SLIT2: variants seen among roughly 807,000 people sequenced by gnomAD.
The protein encoded by SLIT2 is slit homolog 2 protein.
Under a neutral mutation model 185.7 loss-of-function variants are expected in SLIT2, and 41 were observed. The observed-to-expected ratio is 0.22, with a 90% CI of 0.17 to 0.29. SLIT2 has a LOEUF of 0.29. Ranked by LOEUF, SLIT2 falls within the 10% of genes least tolerant of loss-of-function variation. SLIT2 has a pLI of 1.00. For synonymous variants in SLIT2, 693 were observed against 680.2 expected (o/e 1.02, Z -0.29); for missense variants, 1,571 against 1,909.0 (o/e 0.82, Z 3.30).
At chr4:20,398,994 T>G (rs1726146153) in intron 4 of SLIT2, among the ~76,000 whole-genome samples, 1 of 151,632 alleles carries the variant, frequency 6.6e-6, no homozygotes, top group Non-Finnish European at 1.5e-5. Context: ...TACAGAACAT[T>G]CAATAAAGCG....
chr4:20,263,469 G>A (rs1241869948), intron 3 of SLIT2, among the ~76,000 whole-genome samples: 3 of 151,654 alleles, frequency 2.0e-5, no homozygotes, highest in African/African-American at 7.3e-5. Context: ...CACAGAGTGT[G>A]GATTATCTAG....
intron 4 of SLIT2, among the ~76,000 whole-genome samples, chr4:20,419,890 T>C (rs981035456): frequency 1.1e-4 from 16 of 152,122 alleles, no homozygotes; most frequent in African/African-American, 3.9e-4. Context: ...GAGATTTCCT[T>C]GCGCCTATGT....
intron 19 of SLIT2, among the ~76,000 whole-genome samples, chr4:20,540,972 G>A (rs539266052): frequency 4.3e-4 from 66 of 152,232 alleles, no homozygotes; most frequent in African/African-American, 1.5e-3. Context: ...CTATTCTCTA[G>A]AGCAAATAAG....
In SLIT2 at chr4:20,381,212, A is replaced by C. The variant is rs552980193; in HGVS notation, c.396-86540A>C. 5.7e-4 allele frequency among the ~76,000 whole-genome samples: 87 copies of C among 152,234 alleles called. No homozygotes were observed. In the South Asian group the frequency reaches 0.015, roughly 25 times the overall value. On this transcript the variant is annotated intron_variant, in intron 4 of 36. Transcript: ENST00000504154. ...AGGTTGCAGTGAGCTGAGGTTGCGC[A>C]ACTGGGCTCCAGCTTGGGTGACAGG...
rs1204488851 is a variant in SLIT2 at position 20,550,864 on chromosome 4, G to A, written c.2527G>A (p.Gly843Ser). The A allele has an allele frequency of 6.2e-7, 1 of 1,609,004 alleles. No homozygotes were observed. The highest frequency in any genetic ancestry group is 1.1e-5 in the South Asian group (1 of 90,878). ...HGNDISVVPE[G>S]AFNDLSALSH... ...AAATGACATTTCTGTTGTGCCTGAA[G>A]GTGCTTTCAATGATCTTTCTGCATT... Residue 843 changes from glycine to serine, a missense_variant, in exon 25 of 37, where the codon GGT (glycine) becomes AGT (serine). Physicochemically the swap from Gly to Ser is moderately conservative, Grantham distance 56 (BLOSUM62 0). Coordinates refer to ENST00000504154, the MANE Select transcript of SLIT2 (RefSeq NM_004787.4).
chr4:20,323,324 T>TA (rs2109172865), intron 4 of SLIT2, among the ~76,000 whole-genome samples: 1 of 152,314 alleles, frequency 6.6e-6, no homozygotes, highest in African/African-American at 2.4e-5. Context: ...AAGAGTGGAT[T>TA]CTGTCTTTGG....
chr4:20,559,375 G>A (rs1309893770), intron 26 of SLIT2, among the ~76,000 whole-genome samples: 2 of 151,894 alleles, frequency 1.3e-5, no homozygotes, highest in African/African-American at 4.8e-5. Context: ...AGACTTAAGA[G>A]TTTACTCAGT....
chr4:20,381,300 G>A (rs1174292230), intron 4 of SLIT2, among the ~76,000 whole-genome samples: 1 of 151,756 alleles, frequency 6.6e-6, no homozygotes, highest in African/African-American at 2.4e-5. Context: ...GTGATGAAGA[G>A]AATATTTTAA....
At chr4:20,587,517 T>G (rs1429661707) in intron 29 of SLIT2, among the ~76,000 whole-genome samples, 2 of 152,224 alleles carry the variant, frequency 1.3e-5, no homozygotes, top group Non-Finnish European at 2.9e-5. Flanking sequence ...AAGCTGTTGA[T>G]TAGAGATTTA....
rs540373974 is a variant in SLIT2 at position 20,251,993 on chromosome 4, AGAAGGCGGC to A, written c.-1821_-1813del. ...CTGCCGCAGACTGTGGTTAAAAAAA[AGAAGGCGGC>A]GGCGGCGGCGGCGGCGGAGGCGGAG... On this transcript the variant is annotated 5_prime_UTR_variant, in exon 1 of 37. Coordinates refer to ENST00000504154, the MANE Select transcript of SLIT2 (RefSeq NM_004787.4). 1.5e-3 allele frequency among the ~76,000 whole-genome samples: 228 copies of A among 151,806 alleles called. 5 individuals carry two copies. In the East Asian group the frequency reaches 0.041, roughly 27 times the overall value.
chr4:20,420,237 C>T (rs1229457602), intron 4 of SLIT2, among the ~76,000 whole-genome samples: 1 of 152,182 alleles, frequency 6.6e-6, no homozygotes. Flanking sequence ...CATACTACAA[C>T]TGTGAGTACA....
At chr4:20,262,108 A>T (rs1712534403) in intron 3 of SLIT2, among the ~76,000 whole-genome samples, 1 of 151,914 alleles carries the variant, frequency 6.6e-6, no homozygotes. Flanking sequence ...CAGCAAGTTG[A>T]TATAAAGAAC....
chr4:20,332,087 C>T (rs946167579), intron 4 of SLIT2, among the ~76,000 whole-genome samples: 6 of 152,090 alleles, frequency 3.9e-5, no homozygotes, highest in African/African-American at 1.4e-4. Context: ...TATGAGCAGT[C>T]ATGTTGAACT....
At chr4:20,579,050 C>G (rs1479045516) in intron 29 of SLIT2, among the ~76,000 whole-genome samples, 3 of 151,928 alleles carry the variant, frequency 2.0e-5, no homozygotes, top group African/African-American at 7.3e-5. Context: ...AATCCTGGCA[C>G]TTTGGGAGGC....
At chr4:20,529,958 G>A (rs1011683528) in intron 16 of SLIT2, among the ~76,000 whole-genome samples, 1 of 151,988 alleles carries the variant, frequency 6.6e-6, no homozygotes, top group Non-Finnish European at 1.5e-5. Context: ...TTGATGACAG[G>A]GATTGTGTGT....
At chr4:20,436,322 A>G (rs1306687042) in intron 4 of SLIT2, among the ~76,000 whole-genome samples, 1 of 152,216 alleles carries the variant, frequency 6.6e-6, no homozygotes, top group African/African-American at 2.4e-5. Context: ...GCTTCAGTAC[A>G]TGTACCTAGC....
Position 20,472,638 on chromosome 4 carries a change from C to CGATATATATCGATATATCTATATATATA in SLIT2, c.467+4824_467+4825insCGATATATCTATATATATAGATATATAT, listed in dbSNP as rs1560455776. Among the ~76,000 whole-genome samples, 2 of 34,060 alleles carry CGATATATATCGATATATCTATATATATA rather than the reference C, an allele frequency of 5.9e-5. 1 individual carries two copies. Among genetic ancestry groups the CGATATATATCGATATATCTATATATATA allele is most frequent in the African/African-American group, 2.0e-4 (2 of 10,238 alleles). 22.3% of individuals were successfully genotyped at this position (34,060 alleles called of 152,430 possible). On this transcript the variant is annotated intron_variant, in intron 5 of 36. Coordinates refer to ENST00000504154, the MANE Select transcript of SLIT2 (RefSeq NM_004787.4). The stretch of plus-strand genomic sequence containing the variant: ...TATATATCGATATATCTATATATAT[C>CGATATATATCGATATATCTATATATATA]GATATATATATTTAAAAGCCTTAAC...
intron 4 of SLIT2, among the ~76,000 whole-genome samples, chr4:20,311,373 G>C (rs1200473106): frequency 6.6e-6 from 1 of 152,200 alleles, no homozygotes; most frequent in Non-Finnish European, 1.5e-5. Context: ...TTTGAAAAAT[G>C]TGATGAAATA....
At chr4:20,603,317 C>T (rs1049385481) in intron 33 of SLIT2, among the ~76,000 whole-genome samples, 1 of 152,158 alleles carries the variant, frequency 6.6e-6, no homozygotes, top group African/African-American at 2.4e-5. Context: ...CACTGGGTCC[C>T]TCCCATAACA....
Sources: gnomAD v4.1 joint callset for allele counts (sites outside exome capture counted in the v4.1 genomes callset) on GRCh38, gnomAD v4.1.1 for gene constraint, MANE v1.5 for transcripts, NCBI Gene and HGNC (gene_info 2026-07-23, HGNC 2026-07-21) for gene names.